Variants in ICE2 observed in about 807,000 individuals in gnomAD.
ICE2 encodes the protein interactor of little elongation complex ELL subunit 2, also known as little elongation complex subunit 2.
Under a neutral mutation model 105.4 loss-of-function variants are expected in ICE2, and 87 were observed. The ratio of observed to expected loss-of-function variants is 0.83; its 90% CI spans 0.69 to 0.99. The LOEUF is 0.99. ICE2 is among the 50% of genes least tolerant of loss of function. The pLI, the probability that ICE2 is intolerant of heterozygous loss-of-function variation, is 0.00. For synonymous variants in ICE2, 399 were observed against 392.0 expected, an observed-to-expected ratio of 1.02 and a Z score of -0.21; for missense variants, 1,323 against 1,146.7, an observed-to-expected ratio of 1.15 and a Z score of -2.22.
chr15:60,433,816 AT>A (rs1179421318), intron 13 of ICE2, among the ~76,000 whole-genome samples: 13 of 151,648 alleles, frequency 8.6e-5, no homozygotes, highest in Admixed American at 2.0e-4. Flanking sequence ...AAAAAAAAAA[AT>A]GTTTTTCAAT....
chr15:60,428,445 G>C lies in ICE2; in HGVS notation c.2804C>G (p.Thr935Ser). 1.2e-6 allele frequency: 2 copies of C among 1,613,740 alleles called. No homozygotes were observed. Among genetic ancestry groups the C allele is most frequent in the Non-Finnish European group, 8.5e-7 (1 of 1,179,732 alleles). ...AGATCTTACCTTTTGTTGTGTTGTG[G>C]TATCCAGTGATTTCGGTGGAAAAGT... The part of the protein sequence containing the change: ...PCTFPPKSLD[T>S]TTQQKIGGTR... The change falls in exon 15 of 16, where the codon ACC becomes AGC. Residue 935 changes from threonine (T) to serine (S), a missense_variant. By Grantham distance (58) the Thr-to-Ser change is moderately conservative (BLOSUM62 1). Coordinates refer to ENST00000261520, the MANE Select transcript of ICE2 (RefSeq NM_024611.6).
chr15:60,469,479 C>A (rs180853270), intron 3 of ICE2, among the ~76,000 whole-genome samples: 1 of 152,098 alleles, frequency 6.6e-6, no homozygotes, highest in South Asian at 2.1e-4. Context: ...ACACAAAACC[C>A]CTGATAATAA....
intron 5 of ICE2, among the ~76,000 whole-genome samples, chr15:60,464,639 TG>T (rs1282844657): frequency 7.0e-6 from 1 of 141,916 alleles, no homozygotes; most frequent in African/African-American, 2.7e-5. Context: ...AGTCCGCAGG[TG>T]GGGGAAGAAT....
intron 5 of ICE2, among the ~76,000 whole-genome samples, chr15:60,460,508 T>C (rs1401358366): frequency 4.6e-5 from 7 of 151,990 alleles, no homozygotes; most frequent in Admixed American, 1.3e-4. Context: ...CAAAAAAAAA[T>C]TGATCCACAT....
chr15:60,442,508 T>C lies in ICE2; in HGVS notation c.2333A>G (p.Gln778Arg), dbSNP rs764244339. 3.1e-6 allele frequency: 5 copies of C among 1,589,552 alleles called. No individual in the cohort carries two copies. Among genetic ancestry groups the C allele is most frequent in the Non-Finnish European group, 8.5e-7 (1 of 1,174,276 alleles). The change falls in exon 12 of 16, where the codon CAA becomes CGA. Residue 778 changes from glutamine (Q) to arginine (R), a missense_variant. By Grantham distance (43) the Gln-to-Arg change is conservative. Transcript: ENST00000261520. ...PVYVLPKVEY[Q>R]ACYGVEALTE... is the part of the protein sequence containing the mutation. ...CAGAGCTTCAACTCCATAACAAGCT[T>C]GATACTCTACTTTTGGTAGTACATA...
intron 5 of ICE2, among the ~76,000 whole-genome samples, chr15:60,457,586 T>TCTC (rs1312254171): frequency 6.6e-6 from 1 of 152,148 alleles, no homozygotes; most frequent in African/African-American, 2.4e-5. Flanking sequence ...CTACATCCCC[T>TCTC]CTCCCTTCAC....
chr15:60,454,687 T>C (rs2064052832), intron 8 of ICE2: 2 of 203,294 alleles, frequency 9.8e-6, no homozygotes. Flanking sequence ...CAACCTCTTT[T>C]TTCTTTTTTT....
intron 5 of ICE2, among the ~76,000 whole-genome samples, chr15:60,464,786 C>G (rs752462234): frequency 6.6e-6 from 1 of 152,072 alleles, no homozygotes; most frequent in Non-Finnish European, 1.5e-5. Context: ...GAGAGGCTGA[C>G]GCAGAAGGAT....
intron 12 of ICE2, 49 bp from the exon 13 acceptor site, chr15:60,436,276 G>GA (rs377506035): frequency 0.15 from 65,992 of 432,698 alleles, 1 homozygote; most frequent in East Asian, 0.22. Context: ...GCAGTATTTA[G>GA]AAAAAAAAAA....
intron 13 of ICE2, among the ~76,000 whole-genome samples, chr15:60,434,733 G>A (rs1769961692): frequency 6.6e-6 from 1 of 152,170 alleles, no homozygotes; most frequent in Non-Finnish European, 1.5e-5. Context: ...TGGAGATACA[G>A]AATAGCGGTT....
At chr15:60,475,356 A>G (rs1306720559) in intron 3 of ICE2, among the ~76,000 whole-genome samples, 2 of 152,216 alleles carry the variant, frequency 1.3e-5, no homozygotes, top group African/African-American at 4.8e-5. Context: ...AATATCTATT[A>G]AAATATAAAC....
chr15:60,441,775 G>A (rs1451268459), intron 12 of ICE2: 1 of 152,158 alleles, frequency 6.6e-6, no homozygotes, highest in Non-Finnish European at 1.5e-5. Context: ...AACTGTACAT[G>A]AAATGAGCCA....
rs1042769979 is a variant in ICE2 at position 60,476,252 on chromosome 15, C to T, written c.42-85G>A. On this transcript the variant is annotated intron_variant, in intron 2 of 15. Transcript: ENST00000261520. ...CACATAATGGCACAATTGTAACTTA[C>T]AATTTCATACCTTCTTACCCCCCCA... is the stretch of plus-strand genomic sequence containing the variant. 2.7e-5 allele frequency: 21 copies of T among 778,716 alleles called. No individual in the cohort carries two copies. In the East Asian group the frequency reaches 5.6e-4, roughly 21 times the overall value. 48.2% of individuals were successfully genotyped at this position (778,716 alleles called of 1,614,324 possible). A position where few individuals can be genotyped will look rare whatever the true frequency, so the allele number is the denominator to read the frequency against.
chr15:60,453,354 A>G (rs2064012058), intron 9 of ICE2: 2 of 1,251,576 alleles, frequency 1.6e-6, no homozygotes, highest in Non-Finnish European at 2.0e-6. Flanking sequence ...AACATAAAAT[A>G]TCAAACTTAA....
At chr15:60,478,242 G>A (rs1324012388) in intron 1 of ICE2, among the ~76,000 whole-genome samples, 173 bp from the exon 2 acceptor site, 1 of 152,152 alleles carries the variant, frequency 6.6e-6, no homozygotes, top group Admixed American at 6.5e-5. Flanking sequence ...GATACAGGAC[G>A]AGCCCTTTTC....
At chr15:60,460,002 T>C (rs1228343185) in intron 5 of ICE2, among the ~76,000 whole-genome samples, 1 of 152,180 alleles carries the variant, frequency 6.6e-6, no homozygotes, top group Non-Finnish European at 1.5e-5. Flanking sequence ...AGATTTTATT[T>C]TTAAAAGAAA....
chr15:60,443,925 C>T (rs918574948), intron 11 of ICE2, among the ~76,000 whole-genome samples: 7 of 151,324 alleles, frequency 4.6e-5, no homozygotes, highest in Non-Finnish European at 8.8e-5. Context: ...AAGACCCTGC[C>T]TCTACAAAAA....
At position 60,419,774 on chromosome 15, in the gene ICE2, A is replaced by G. The variant is rs1293436075; in HGVS notation, c.*3860T>C. 1.3e-5 allele frequency: 2 copies of G among 152,246 alleles called. No homozygotes were observed. The highest frequency in any genetic ancestry group is 2.4e-5 in the African/African-American group (1 of 41,458). 9.4% of individuals were successfully genotyped at this position (152,246 alleles called of 1,614,324 possible). On this transcript the variant is annotated 3_prime_UTR_variant, in exon 16 of 16. Coordinates refer to ENST00000261520, the MANE Select transcript of ICE2 (RefSeq NM_024611.6). The stretch of plus-strand genomic sequence containing the variant: ...ACCTATAATGCATAGAAAACGTCTT[A>G]ACATCTTTACAACATGCCCATTAGG...
intron 2 of ICE2, 25 bp from the exon 3 acceptor site, chr15:60,476,192 C>T (rs773955883): frequency 1.7e-5 from 25 of 1,439,076 alleles, no homozygotes; most frequent in South Asian, 7.2e-5. Flanking sequence ...AATTTACTTA[C>T]ATTTGACAAT....
Sources: allele counts gnomAD v4.1 joint callset (sites outside exome capture counted in the v4.1 genomes callset), GRCh38; gene constraint gnomAD v4.1.1; transcripts MANE v1.5; gene names NCBI Gene and HGNC (gene_info 2026-07-23, HGNC 2026-07-21).